NOS1AP: variants seen among roughly 807,000 people sequenced by gnomAD.
The protein encoded by NOS1AP is carboxyl-terminal PDZ ligand of neuronal nitric oxide synthase protein.
NOS1AP carries 21 observed loss-of-function variants against 56.2 expected under a neutral mutation model. The ratio of observed to expected loss-of-function variants is 0.37; its 90% CI spans 0.26 to 0.54. The LOEUF (loss-of-function observed/expected upper bound fraction) is 0.54. Ranked by LOEUF, NOS1AP falls within the 20% of genes least tolerant of loss-of-function variation. The pLI is 0.84. For synonymous variants in NOS1AP, 270 were observed against 274.6 expected, an observed-to-expected ratio of 0.98 and a Z score of 0.17; for missense variants, 522 against 657.8, an observed-to-expected ratio of 0.79 and a Z score of 2.26.
intron 2 of NOS1AP, among the ~76,000 whole-genome samples, chr1:162,261,503 A>AGGG (rs1329831328): frequency 1.3e-4 from 1 of 7,780 alleles, no homozygotes; most frequent in African/African-American, 9.2e-4. Context: ...AGAGAGAGAG[A>AGGG]GAGAGAGAGA....
chr1:162,290,919 C>G (rs1655265278), intron 3 of NOS1AP, among the ~76,000 whole-genome samples: 1 of 151,966 alleles, frequency 6.6e-6, no homozygotes, highest in Non-Finnish European at 1.5e-5. Context: ...TTTAACTTTT[C>G]TAGCTCGGAT....
At chr1:162,093,530 A>G (rs1692177215) in intron 1 of NOS1AP, among the ~76,000 whole-genome samples, 1 of 152,140 alleles carries the variant, frequency 6.6e-6, no homozygotes, top group South Asian at 2.1e-4. Flanking sequence ...CATACAGTTT[A>G]GTGGAAGAGA....
At chr1:162,251,869 G>GTTTTTTTTTTTTTTT (rs57313228) in intron 2 of NOS1AP, among the ~76,000 whole-genome samples, 144 of 82,112 alleles carry the variant, frequency 1.8e-3, no homozygotes, top group Non-Finnish European at 2.3e-3. Flanking sequence ...TTTTTTTTTT[G>GTTTTTTTTTTTTTTT]TTTTTTTTTT....
At chr1:162,356,192 T>G (rs1348907274) in intron 7 of NOS1AP, among the ~76,000 whole-genome samples, 1 of 152,190 alleles carries the variant, frequency 6.6e-6, no homozygotes, top group African/African-American at 2.4e-5. Context: ...GGGGCCTTCC[T>G]TGTGTATGTC....
intron 1 of NOS1AP, among the ~76,000 whole-genome samples, chr1:162,080,921 A>G (rs148578353): frequency 1.3e-5 from 2 of 152,310 alleles, no homozygotes; most frequent in South Asian, 2.1e-4. Flanking sequence ...CATTATTTGT[A>G]TCTTATAGAT....
intron 1 of NOS1AP, among the ~76,000 whole-genome samples, chr1:162,119,886 TTGTTGTAAAGGAAA>T: frequency 6.6e-6 from 1 of 152,184 alleles, no homozygotes; most frequent in Admixed American, 6.5e-5. Context: ...GATCCTTGGC[TTGTTGTAAAGGAAA>T]CGGATGGCAT....
intron 2 of NOS1AP, among the ~76,000 whole-genome samples, chr1:162,273,117 T>G (rs1015558950): frequency 2.0e-5 from 3 of 151,762 alleles, no homozygotes; most frequent in African/African-American, 7.3e-5. Context: ...CAGTATGAGA[T>G]TCTCCTGGCC....
At chr1:162,145,694 G>A (rs1433632853) in intron 1 of NOS1AP, among the ~76,000 whole-genome samples, 1 of 152,176 alleles carries the variant, frequency 6.6e-6, no homozygotes, top group Non-Finnish European at 1.5e-5. Flanking sequence ...TCTGTTTCTG[G>A]AAGCTATCAG....
chr1:162,134,688 A>G (rs1245813412), intron 1 of NOS1AP, among the ~76,000 whole-genome samples: 1 of 152,078 alleles, frequency 6.6e-6, no homozygotes, highest in Non-Finnish European at 1.5e-5. Context: ...TCTCCCAGAT[A>G]TCCTCTCCTC....
At chr1:162,253,950 C>T (rs1653945373) in intron 2 of NOS1AP, among the ~76,000 whole-genome samples, 1 of 152,110 alleles carries the variant, frequency 6.6e-6, no homozygotes, top group Non-Finnish European at 1.5e-5. Flanking sequence ...AATGTCACCT[C>T]CTACAGAGGC....
intron 2 of NOS1AP, among the ~76,000 whole-genome samples, chr1:162,239,540 C>T (rs945885507): frequency 1.3e-5 from 2 of 152,220 alleles, no homozygotes; most frequent in African/African-American, 4.8e-5. Context: ...CACATACTCA[C>T]ACAGATCAAC....
chr1:162,301,598 CAGA>C (rs978279657), intron 4 of NOS1AP, among the ~76,000 whole-genome samples: 10 of 152,138 alleles, frequency 6.6e-5, no homozygotes, highest in Admixed American at 5.9e-4. Flanking sequence ...TTGTCCTGGG[CAGA>C]AGAATATATC....
chr1:162,171,037 G>A (rs554758497), intron 2 of NOS1AP, among the ~76,000 whole-genome samples: 5 of 152,312 alleles, frequency 3.3e-5, no homozygotes, highest in African/African-American at 1.2e-4. Flanking sequence ...CATGCTTTTG[G>A]ATTTGGGGTG....
At chr1:162,088,747 T>TTGA (rs1391376665) in intron 1 of NOS1AP, among the ~76,000 whole-genome samples, 4 of 152,136 alleles carry the variant, frequency 2.6e-5, no homozygotes, top group African/African-American at 9.7e-5. Context: ...TGAGGCCAGA[T>TTGA]TACTCAGTCT....
At chr1:162,086,006 G>C (rs1691991566) in intron 1 of NOS1AP, among the ~76,000 whole-genome samples, 1 of 152,088 alleles carries the variant, frequency 6.6e-6, no homozygotes, top group Non-Finnish European at 1.5e-5. Flanking sequence ...GGACAAAAAT[G>C]AGCTCAAGGC....
intron 4 of NOS1AP, among the ~76,000 whole-genome samples, chr1:162,308,735 G>A (rs1232711629): frequency 2.6e-5 from 4 of 152,218 alleles, no homozygotes; most frequent in Admixed American, 1.3e-4. Flanking sequence ...GTATTGAAAG[G>A]TAAATTTGGA....
At chr1:162,277,802 T>C (rs140806195) in intron 2 of NOS1AP, among the ~76,000 whole-genome samples, 1,621 of 152,318 alleles carry the variant, frequency 0.011, 21 homozygotes, top group Middle Eastern at 0.044. Flanking sequence ...AGGCAAGGGA[T>C]TTAGGGACCA....
At chr1:162,126,082 G>A (rs1216797537) in intron 1 of NOS1AP, among the ~76,000 whole-genome samples, 2 of 151,984 alleles carry the variant, frequency 1.3e-5, no homozygotes, top group Non-Finnish European at 2.9e-5. Context: ...TCTCAGCTTG[G>A]CAGTTGTTGG....
chr1:162,358,559 G>C (rs1239640006), intron 8 of NOS1AP, among the ~76,000 whole-genome samples: 1 of 151,790 alleles, frequency 6.6e-6, no homozygotes, highest in Non-Finnish European at 1.5e-5. Context: ...TATATTTGGA[G>C]AAAAAAAATC....
Sources: gnomAD v4.1 joint callset for allele counts (sites outside exome capture counted in the v4.1 genomes callset) on GRCh38, gnomAD v4.1.1 for gene constraint, MANE v1.5 for transcripts, NCBI Gene and HGNC (gene_info 2026-07-23, HGNC 2026-07-21) for gene names.